ARHGAP31: variants seen among roughly 807,000 people sequenced by gnomAD.
ARHGAP31 encodes the protein rho GTPase-activating protein 31.
ARHGAP31 carries 34 observed loss-of-function variants against 113.9 expected under a neutral mutation model. The ratio of observed to expected loss-of-function variants is 0.30; its 90% CI spans 0.23 to 0.40. ARHGAP31 has a LOEUF of 0.40. Ranked by LOEUF, ARHGAP31 falls within the 10% of genes least tolerant of loss-of-function variation. ARHGAP31 has a pLI of 1.00. For synonymous variants in ARHGAP31, 650 were observed against 684.8 expected (o/e 0.95, Z 0.79); for missense variants, 1,548 against 1,767.1 (o/e 0.88, Z 2.22).
At chr3:119,370,519 A>ATTTG (rs1227640411) in intron 3 of ARHGAP31, among the ~76,000 whole-genome samples, 1 of 152,220 alleles carries the variant, frequency 6.6e-6, no homozygotes, top group Non-Finnish European at 1.5e-5. Context: ...CTCCAGGCAT[A>ATTTG]TTTGCTGTTA....
At chr3:119,399,096 T>C (rs1375771523) in intron 8 of ARHGAP31, 103 bp from the exon 9 acceptor site, 1 of 1,003,260 alleles carries the variant, frequency 1.0e-6, no homozygotes, top group Admixed American at 1.9e-5. Flanking sequence ...TGAAAAACTT[T>C]CCTAAAGAAT....
chr3:119,364,440 A>G (rs986413200), intron 1 of ARHGAP31, among the ~76,000 whole-genome samples: 5 of 152,132 alleles, frequency 3.3e-5, no homozygotes, highest in Non-Finnish European at 5.9e-5. Flanking sequence ...CTTCCAATGT[A>G]TTAATTATTT....
chr3:119,411,034 GGA>G (rs1278713467), intron 11 of ARHGAP31, among the ~76,000 whole-genome samples: 1 of 152,200 alleles, frequency 6.6e-6, no homozygotes, highest in African/African-American at 2.4e-5. Flanking sequence ...GACTAGGAAA[GGA>G]GAGACCTCCA....
At chr3:119,332,633 TCTCACACACA>T (rs1490386574) in intron 1 of ARHGAP31, among the ~76,000 whole-genome samples, 3,654 of 61,164 alleles carry the variant, frequency 0.06, 77 homozygotes, top group Admixed American at 0.17. Context: ...TCTCTCTCTC[TCTCACACACA>T]CACACACACA....
At position 119,381,352 on chromosome 3, in the gene ARHGAP31, C is replaced by T. The variant is rs537524297; in HGVS notation, c.431+366C>T. ...TTTCAACAGGGGTTGACTGTGGGCT[C>T]TTGAGCATTGGCTGATTGTTCTATT... On this transcript the variant is annotated intron_variant, in intron 4 of 11. Transcript: ENST00000264245. Among the ~76,000 whole-genome samples, 3 of 152,270 alleles carry T rather than the reference C, an allele frequency of 2.0e-5. No homozygotes were observed. The South Asian group carries it at 6.2e-4, about 32-fold the overall frequency.
chr3:119,319,398 A>G (rs2079762774), intron 1 of ARHGAP31, among the ~76,000 whole-genome samples: 1 of 152,186 alleles, frequency 6.6e-6, no homozygotes, highest in African/African-American at 2.4e-5. Context: ...ACTTTTAAAA[A>G]GATAATTTCT....
intron 9 of ARHGAP31, among the ~76,000 whole-genome samples, chr3:119,400,489 C>T (rs6776994): frequency 0.92 from 139,655 of 152,268 alleles, 64,252 homozygotes; most frequent in East Asian, 1. Context: ...ACCTGTATAA[C>T]ACTCAGTGAG....
intron 1 of ARHGAP31, among the ~76,000 whole-genome samples, chr3:119,335,036 C>G (rs1401385232): frequency 6.6e-6 from 1 of 151,860 alleles, no homozygotes; most frequent in Non-Finnish European, 1.5e-5. Flanking sequence ...TGTAGAAGAA[C>G]ACTTGTATGT....
At chr3:119,327,635 T>C (rs546821615) in intron 1 of ARHGAP31, among the ~76,000 whole-genome samples, 107 of 152,340 alleles carry the variant, frequency 7.0e-4, no homozygotes, top group African/African-American at 2.4e-3. Context: ...CCTGCTTTAG[T>C]CTTCCCTTTA....
rs578229531 is a variant in ARHGAP31, at chr3:119,366,872, C to T, written c.203+1454C>T. ...ATCCCAGCACTCTGGGAGGCCGAGA[C>T]GGGTGGATCACCTGAGGTCAGGAGT... On this transcript the variant is annotated intron_variant, in intron 2 of 11. Transcript: ENST00000264245. 1.2e-4 allele frequency among the ~76,000 whole-genome samples: 18 copies of T among 152,032 alleles called. No individual in the cohort carries two copies. In the South Asian group the frequency reaches 2.1e-3, roughly 18 times the overall value.
At position 119,418,798 on chromosome 3, in the gene ARHGAP31, C is replaced by T. The variant is rs2080800096; in HGVS notation, c.*2534C>T. The T allele has an allele frequency of 6.6e-6, 1 of 152,178 alleles. No individual in the cohort carries two copies. Among genetic ancestry groups the T allele is most frequent in the South Asian group, 2.1e-4 (1 of 4,830 alleles). 9.4% of individuals were successfully genotyped at this position (152,178 alleles called of 1,614,324 possible). A position where few individuals can be genotyped will look rare whatever the true frequency, so the allele number is the denominator to read the frequency against. ...CAGCTGTGGAGATAGTCCCTACTCT[C>T]AGCTTTCCTTGCTAGTCAAGTCCAA... On this transcript the variant is annotated 3_prime_UTR_variant, in exon 12 of 12. Coordinates refer to ENST00000264245, the MANE Select transcript of ARHGAP31 (RefSeq NM_020754.4).
At chr3:119,327,699 C>G (rs1301761065) in intron 1 of ARHGAP31, among the ~76,000 whole-genome samples, 2 of 152,082 alleles carry the variant, frequency 1.3e-5, no homozygotes, top group African/African-American at 4.8e-5. Flanking sequence ...ACTTCTTTAT[C>G]TTATTTACTC....
intron 1 of ARHGAP31, among the ~76,000 whole-genome samples, chr3:119,344,007 G>C (rs1413421245): frequency 6.6e-6 from 1 of 152,068 alleles, no homozygotes; most frequent in East Asian, 1.9e-4. Context: ...GGTTGTGGCT[G>C]TGTGAGTGTG....
rs2080522436 is a variant in ARHGAP31 at position 119,393,487 on chromosome 3, C to T, written c.902C>T (p.Ser301Leu). 4 of 1,614,004 alleles carry T rather than the reference C, an allele frequency of 2.5e-6. No individual in the cohort carries two copies. The highest frequency in any genetic ancestry group is 2.5e-6 in the Non-Finnish European group (3 of 1,180,010). Reference protein sequence around the residue: ...PDNKRKLSSKSKKWKSIFNLG... With the variant: ...PDNKRKLSSKLKKWKSIFNLG... The stretch of plus-strand genomic sequence containing the variant: ...TTTAGGCGAAAGCTCTCCAGTAAAT[C>T]AAAGAAGTGGAAATCAATATTTAAC... The change falls in exon 8 of 12, where the codon TCA (serine) becomes TTA (leucine). Residue 301 changes from serine to leucine, a missense_variant. Coordinates refer to ENST00000264245, the MANE Select transcript of ARHGAP31 (RefSeq NM_020754.4).
intron 3 of ARHGAP31, among the ~76,000 whole-genome samples, chr3:119,375,375 C>T (rs1483148327): frequency 2.0e-5 from 3 of 152,158 alleles, no homozygotes; most frequent in African/African-American, 7.2e-5. Context: ...CCTGTCTCTG[C>T]CTCCAGGGCC....
intron 3 of ARHGAP31, among the ~76,000 whole-genome samples, chr3:119,374,546 G>C (rs761080485): frequency 1.3e-5 from 2 of 152,134 alleles, no homozygotes; most frequent in African/African-American, 2.4e-5. Context: ...ACATGTTGAG[G>C]GAGGGACCTG....
At chr3:119,328,096 A>G (rs951085392) in intron 1 of ARHGAP31, among the ~76,000 whole-genome samples, 3 of 152,280 alleles carry the variant, frequency 2.0e-5, no homozygotes, top group Non-Finnish European at 4.4e-5. Flanking sequence ...TTAAAAAATC[A>G]GATTTAAAAA....
At chr3:119,328,359 T>G (rs2079863403) in intron 1 of ARHGAP31, among the ~76,000 whole-genome samples, 1 of 152,172 alleles carries the variant, frequency 6.6e-6, no homozygotes, top group Non-Finnish European at 1.5e-5. Flanking sequence ...TGCTTGACTC[T>G]CTTGTCTCTG....
At chr3:119,388,168 T>C (rs531306799) in intron 6 of ARHGAP31, among the ~76,000 whole-genome samples, 48 of 152,172 alleles carry the variant, frequency 3.2e-4, no homozygotes, top group South Asian at 6.2e-4. Context: ...GTTATGGGTG[T>C]TGGGAGAAAC....
Sources: allele counts gnomAD v4.1 joint callset (sites outside exome capture counted in the v4.1 genomes callset), GRCh38; gene constraint gnomAD v4.1.1; transcripts MANE v1.5; gene names NCBI Gene and HGNC (gene_info 2026-07-23, HGNC 2026-07-21).